ADAMTS3: variants seen among roughly 807,000 people sequenced by gnomAD.
The protein encoded by ADAMTS3 is ADAM metallopeptidase with thrombospondin type 1 motif 3.
A neutral mutation model predicts 129.0 loss-of-function variants in ADAMTS3; 73 were observed. The observed-to-expected ratio is 0.57, with a 90% CI of 0.47 to 0.69. ADAMTS3 has a LOEUF of 0.69. Ranked by LOEUF, ADAMTS3 falls within the 30% of genes least tolerant of loss-of-function variation. The pLI is 0.00. For missense variants in ADAMTS3, 1,457 were observed against 1,514.5 expected, an observed-to-expected ratio of 0.96 and a Z score of 0.63; for synonymous variants, 477 against 510.8, an observed-to-expected ratio of 0.93 and a Z score of 0.89.
intron 3 of ADAMTS3, among the ~76,000 whole-genome samples, chr4:72,456,253 A>ATGTAC (rs1718607050): frequency 7.2e-6 from 1 of 139,312 alleles, no homozygotes. Context: ...TATATATAGT[A>ATGTAC]TATATACTGT....
chr4:72,368,239 A>G (rs770053754), intron 4 of ADAMTS3, among the ~76,000 whole-genome samples: 3 of 152,154 alleles, frequency 2.0e-5, no homozygotes, highest in African/African-American at 7.2e-5. Context: ...TGAATTCAAT[A>G]TTACTCCCGA....
At chr4:72,464,861 C>T (rs1718875606) in intron 3 of ADAMTS3, among the ~76,000 whole-genome samples, 1 of 151,982 alleles carries the variant, frequency 6.6e-6, no homozygotes, top group South Asian at 2.1e-4. Context: ...GTTTGTGTGT[C>T]ACCAAATGAG....
intron 3 of ADAMTS3, among the ~76,000 whole-genome samples, chr4:72,418,469 C>A (rs1476159287): frequency 6.6e-6 from 1 of 152,286 alleles, no homozygotes; most frequent in Middle Eastern, 3.4e-3. Flanking sequence ...AAGGTTTCTA[C>A]TCCACACAAT....
chr4:72,568,155 C>G (rs1722068839), intron 1 of ADAMTS3: 1 of 153,122 alleles, frequency 6.5e-6, no homozygotes, highest in African/African-American at 2.4e-5. Context: ...CTAGCCCGGC[C>G]GTGGTACTCC....
intron 5 of ADAMTS3, among the ~76,000 whole-genome samples, chr4:72,334,703 A>T (rs939007601): frequency 6.6e-6 from 1 of 152,272 alleles, no homozygotes. Context: ...AGAGCTGAGA[A>T]CCACTTTCCC....
chr4:72,443,856 C>G (rs1181027457), intron 3 of ADAMTS3, among the ~76,000 whole-genome samples: 2 of 151,572 alleles, frequency 1.3e-5, no homozygotes, highest in Admixed American at 1.3e-4. Context: ...GAAGTGTGTT[C>G]TATGGGTCAC....
chr4:72,477,874 C>G (rs538208609), intron 3 of ADAMTS3, among the ~76,000 whole-genome samples: 4 of 152,076 alleles, frequency 2.6e-5, no homozygotes, highest in Non-Finnish European at 4.4e-5. Context: ...CCACCGATCC[C>G]ACCGAAATAC....
rs1229711511 is a variant in ADAMTS3, at chr4:72,550,064, GA to G, written c.98-1181del. Reference sequence around the variant, plus strand: ...AGAAGAGGAAGAGGAAGAGGAAGAGGAAGAGGAAGAGGAAGAGGAAGAAGAA... The same window carrying G: ...AGAAGAGGAAGAGGAAGAGGAAGAGGAGAGGAAGAGGAAGAGGAAGAAGAA... On this transcript the variant is annotated intron_variant, in intron 2 of 21. Transcript: ENST00000286657. 6.9e-4 allele frequency among the ~76,000 whole-genome samples: 13 copies of G among 18,822 alleles called. 4 individuals carry two copies. The highest frequency in any genetic ancestry group is 2.5e-3 in the African/African-American group (12 of 4,770). 12.3% of individuals were successfully genotyped at this position (18,822 alleles called of 152,430 possible). A position where few individuals can be genotyped will look rare whatever the true frequency, so the allele number is the denominator to read the frequency against.
At chr4:72,469,807 T>C (rs1368167022) in intron 3 of ADAMTS3, among the ~76,000 whole-genome samples, 2 of 152,152 alleles carry the variant, frequency 1.3e-5, no homozygotes, top group Non-Finnish European at 2.9e-5. Context: ...AATAAATACA[T>C]TTTCCCTTCC....
chr4:72,304,166 C>CA (rs771180974), intron 16 of ADAMTS3, 86 bp from the exon 17 acceptor site: 94 of 1,284,496 alleles, frequency 7.3e-5, no homozygotes, highest in Non-Finnish European at 9.6e-5. Flanking sequence ...ATCCTTTCTA[C>CA]AAATCAATGA....
At position 72,384,995 on chromosome 4, in the gene ADAMTS3, C is replaced by T. The variant is rs370891251; in HGVS notation, c.661+29820G>A. On this transcript the variant is annotated intron_variant, in intron 4 of 21. Transcript: ENST00000286657. ...CATCCTGGCTAACACCCTGAAACCC[C>T]GTCTCTACTAAAAATATATTTTAAA... Among the ~76,000 whole-genome samples, 51 of 151,988 alleles carry T rather than the reference C, an allele frequency of 3.4e-4. 1 individual carries two copies. Among genetic ancestry groups the T allele is most frequent in the South Asian group, 1.9e-3 (9 of 4,802 alleles).
intron 3 of ADAMTS3, among the ~76,000 whole-genome samples, chr4:72,439,028 A>T (rs1378292564): frequency 6.6e-6 from 1 of 151,758 alleles, no homozygotes; most frequent in Non-Finnish European, 1.5e-5. Flanking sequence ...ATTTGAAATC[A>T]ACGAAATCTT....
chr4:72,540,830 T>C (rs996606155), intron 3 of ADAMTS3, among the ~76,000 whole-genome samples: 1 of 152,156 alleles, frequency 6.6e-6, no homozygotes, highest in East Asian at 1.9e-4. Flanking sequence ...AACCTCCAAA[T>C]AGATTTCAGA....
At chr4:72,393,287 T>A (rs986251130) in intron 4 of ADAMTS3, among the ~76,000 whole-genome samples, 1 of 152,180 alleles carries the variant, frequency 6.6e-6, no homozygotes, top group Non-Finnish European at 1.5e-5. Flanking sequence ...AATCTCGATA[T>A]GTTAGATTAG....
chr4:72,383,478 T>G (rs1302215009), intron 4 of ADAMTS3, among the ~76,000 whole-genome samples: 1 of 152,204 alleles, frequency 6.6e-6, no homozygotes, highest in Non-Finnish European at 1.5e-5. Flanking sequence ...ACTTGGAAGT[T>G]TGGGGTTGGG....
rs114662750 is a variant in ADAMTS3, at chr4:72,452,399, T to C, written c.505-37428A>G. On this transcript the variant is annotated intron_variant, in intron 3 of 21. Coordinates refer to ENST00000286657, the MANE Select transcript of ADAMTS3 (RefSeq NM_014243.3). ...TGCTTTCATAAAACAGATCTTTTTC[T>C]TTCTTATAAACAAAACTGGCCCAAT... Among the ~76,000 whole-genome samples the C allele has an allele frequency of 9.4e-3, 1,434 of 151,850 alleles. 17 individuals are homozygous for C. The highest frequency in any genetic ancestry group is 0.033 in the African/African-American group (1,377 of 41,508).
At chr4:72,487,726 A>G (rs1409453257) in intron 3 of ADAMTS3, among the ~76,000 whole-genome samples, 1 of 152,118 alleles carries the variant, frequency 6.6e-6, no homozygotes. Context: ...CAGGTTCTAT[A>G]TGCTGACAAG....
At position 72,476,902 on chromosome 4, in the gene ADAMTS3, A is replaced by G. The variant is rs1231081622; in HGVS notation, c.505-61931T>C. On this transcript the variant is annotated intron_variant, in intron 3 of 21. Transcript: ENST00000286657. ...GTAAGCTAAAACATTAACAGGATTT[A>G]TTTAAAATCACATATCAAATGATGC... Among the ~76,000 whole-genome samples the G allele has an allele frequency of 2.6e-5, 4 of 152,306 alleles. No homozygotes were observed. The East Asian group carries it at 7.7e-4, about 29-fold the overall frequency.
intron 10 of ADAMTS3, 85 bp downstream of exon 10, chr4:72,318,487 C>G (rs552423996): frequency 2.1e-6 from 3 of 1,409,580 alleles, no homozygotes; most frequent in Non-Finnish European, 2.9e-6. Flanking sequence ...TATACTTGCA[C>G]CAGTGAGTCT....
Sources: gnomAD v4.1 joint callset for allele counts (sites outside exome capture counted in the v4.1 genomes callset) on GRCh38, gnomAD v4.1.1 for gene constraint, MANE v1.5 for transcripts, NCBI Gene and HGNC (gene_info 2026-07-23, HGNC 2026-07-21) for gene names.